The following EDA variants were observed in gnomAD, a reference collection of about 807,000 sequenced individuals.
EDA encodes the protein ectodysplasin-A.
Under a neutral mutation model 23.6 loss-of-function variants are expected in EDA, and 2 were observed. That is an observed-to-expected ratio of 0.08 (90% CI 0.03 to 0.27). EDA has a LOEUF of 0.27. EDA is among the 10% of genes least tolerant of loss of function. EDA has a pLI of 1.00. For synonymous variants in EDA, 131 were observed against 132.0 expected (o/e 0.99, Z 0.05); for missense variants, 229 against 324.2 (o/e 0.71, Z 2.26).
At chrX:69,753,340 C>T (rs375811511) in intron 1 of EDA, among the ~76,000 whole-genome samples, 3 of 112,020 alleles carry the variant, frequency 2.7e-5, no homozygotes, top group African/African-American at 3.2e-5. Flanking sequence ...ATGTACCCAG[C>T]AGTCATTCAG....
chrX:69,749,806 G>A (rs368265263), intron 1 of EDA: 25 of 109,695 alleles, frequency 2.3e-4, no homozygotes, highest in African/African-American at 6.6e-4. Context: ...ATAACTTTCC[G>A]TTGACATAGG....
chrX:69,797,947 T>C (rs2015581958), intron 1 of EDA, among the ~76,000 whole-genome samples: 1 of 111,798 alleles, frequency 8.9e-6, no homozygotes, highest in Non-Finnish European at 1.9e-5. Context: ...TAAAGACACA[T>C]ATAGGTTGAC....
intron 1 of EDA, among the ~76,000 whole-genome samples, chrX:69,924,451 T>G: frequency 9.1e-6 from 1 of 109,963 alleles, no homozygotes; most frequent in Middle Eastern, 4.8e-3. Flanking sequence ...GACAATCAGA[T>G]GGTTGTAGAT....
intron 1 of EDA, among the ~76,000 whole-genome samples, chrX:69,643,919 G>A (rs1932872038): frequency 9.0e-6 from 1 of 110,796 alleles, no homozygotes; most frequent in Non-Finnish European, 1.9e-5. Flanking sequence ...GATGGTTGTA[G>A]GTGTGCAGTC....
intron 1 of EDA, among the ~76,000 whole-genome samples, chrX:69,803,801 A>G (rs1295632523): frequency 9.1e-6 from 1 of 109,701 alleles, no homozygotes; most frequent in East Asian, 2.9e-4. Context: ...AAATTTCTCC[A>G]TATCCCTCCC....
chrX:69,661,482 C>G (rs1933504047), intron 1 of EDA, among the ~76,000 whole-genome samples: 1 of 110,444 alleles, frequency 9.1e-6, no homozygotes, highest in East Asian at 2.8e-4. Context: ...GGTTTTAGGT[C>G]TAAGATTTGA....
intron 1 of EDA, among the ~76,000 whole-genome samples, chrX:69,884,264 T>G (rs1346468237): frequency 9.0e-6 from 1 of 111,447 alleles, no homozygotes; most frequent in Non-Finnish European, 1.9e-5. Flanking sequence ...GAACCTATAC[T>G]CCATGTATTT....
chrX:69,884,616 A>G (rs1348517985), intron 1 of EDA, among the ~76,000 whole-genome samples: 6 of 112,423 alleles, frequency 5.3e-5, no homozygotes, highest in African/African-American at 1.3e-4. Flanking sequence ...TTTACTTAAC[A>G]TAACATTTTT....
intron 1 of EDA, among the ~76,000 whole-genome samples, chrX:69,769,588 T>C (rs1267717462): frequency 9.0e-6 from 1 of 111,487 alleles, no homozygotes; most frequent in Non-Finnish European, 1.9e-5. Context: ...ATATTCTTTG[T>C]TCCCTTTTTC....
At chrX:69,886,401 A>G (rs911551727) in intron 1 of EDA, among the ~76,000 whole-genome samples, 1 of 111,283 alleles carries the variant, frequency 9.0e-6, no homozygotes, top group African/African-American at 3.3e-5. Context: ...CTGCCCACCC[A>G]GGGACCCACC....
chrX:69,952,290 T>C (rs192473207), intron 1 of EDA, among the ~76,000 whole-genome samples: 1 of 112,302 alleles, frequency 8.9e-6, no homozygotes, highest in Admixed American at 9.4e-5. Context: ...AGAAGTTTAA[T>C]TGGACTTACA....
chrX:69,940,303 G>A (rs2018738867), intron 1 of EDA, among the ~76,000 whole-genome samples: 1 of 111,005 alleles, frequency 9.0e-6, no homozygotes, highest in South Asian at 3.8e-4. Flanking sequence ...ATTTCATCAT[G>A]GTTCAATCTT....
At chrX:70,005,385 T>C (rs1349829047) in intron 2 of EDA, among the ~76,000 whole-genome samples, 2 of 110,981 alleles carry the variant, frequency 1.8e-5, no homozygotes, top group Non-Finnish European at 3.8e-5. Flanking sequence ...TCTTCGTCAT[T>C]CGTTTGTTCA....
At chrX:69,922,909 G>A (rs185374251) in intron 1 of EDA, among the ~76,000 whole-genome samples, 272 of 110,709 alleles carry the variant, frequency 2.5e-3, no homozygotes, top group African/African-American at 8.1e-3. Context: ...GGATGTATCC[G>A]GGACTTCATT....
intron 1 of EDA, among the ~76,000 whole-genome samples, chrX:69,935,808 A>G (rs1243545067): frequency 9.1e-6 from 1 of 109,761 alleles, no homozygotes; most frequent in African/African-American, 3.3e-5. Flanking sequence ...CTCTTTTGTC[A>G]ATATATGTAA....
intron 1 of EDA, among the ~76,000 whole-genome samples, chrX:69,754,458 T>A (rs1001531852): frequency 2.7e-5 from 3 of 112,077 alleles, no homozygotes; most frequent in Non-Finnish European, 5.6e-5. Flanking sequence ...GAGCTACCCT[T>A]TGTGAGTAAC....
chrX:69,616,246 G>A lies in EDA; in HGVS notation c.-63G>A. The A allele has an allele frequency of 8.8e-7, 1 of 1,139,456 alleles. No individual in the cohort carries two copies. The highest frequency in any genetic ancestry group is 1.9e-5 in the South Asian group (1 of 51,840). The allele number at this position is 1,139,456 out of a possible 1,213,427, so 93.9% of individuals were successfully genotyped here. A position where few individuals can be genotyped will look rare whatever the true frequency, so the allele number is the denominator to read the frequency against. On this transcript the variant is annotated 5_prime_UTR_variant, in exon 1 of 8. It adds an upstream start codon to the 5' untranslated region. Transcript: ENST00000374552. Reference sequence around the variant, plus strand: ...GGACAGTAGCCGCCTGTCAGAGGTCGTGAACGGCTGAGGCAGACGCAGCGG... The same window carrying A: ...GGACAGTAGCCGCCTGTCAGAGGTCATGAACGGCTGAGGCAGACGCAGCGG...
chrX:69,739,334 A>G (rs772089837), intron 1 of EDA, among the ~76,000 whole-genome samples: 2 of 111,318 alleles, frequency 1.8e-5, no homozygotes, highest in East Asian at 2.8e-4. Flanking sequence ...CTTACATACT[A>G]TATCTTTTCC....
chrX:69,803,609 A>C (rs2147491447), intron 1 of EDA, among the ~76,000 whole-genome samples: 1 of 111,624 alleles, frequency 9.0e-6, no homozygotes, highest in South Asian at 3.8e-4. Context: ...TATGGTGATC[A>C]GATCAGGGTA....
Sources: gnomAD v4.1 joint callset for allele counts (sites outside exome capture counted in the v4.1 genomes callset) on GRCh38, gnomAD v4.1.1 for gene constraint, MANE v1.5 for transcripts, NCBI Gene and HGNC (gene_info 2026-07-23, HGNC 2026-07-21) for gene names.